OXR1: variants seen among roughly 807,000 people sequenced by gnomAD.
OXR1 encodes oxidation resistance 1, also known as oxidation resistance protein 1.
Under a neutral mutation model 104.6 loss-of-function variants are expected in OXR1, and 41 were observed. The observed-to-expected ratio is 0.39, with a 90% CI of 0.31 to 0.51. The LOEUF (loss-of-function observed/expected upper bound fraction) is 0.51, where lower values mean the gene tolerates loss of function less well. Among genes scored for constraint, OXR1 ranks in the 20% least tolerant of loss-of-function variants. The pLI is 0.77. For synonymous variants in OXR1, 348 were observed against 348.4 expected, an observed-to-expected ratio of 1.00 and a Z score of 0.01; for missense variants, 955 against 1,031.9, an observed-to-expected ratio of 0.93 and a Z score of 1.02.
At chr8:106,466,452 C>T (rs1821174892) in intron 2 of OXR1, among the ~76,000 whole-genome samples, 2 of 151,632 alleles carry the variant, frequency 1.3e-5, no homozygotes, top group African/African-American at 4.8e-5. Context: ...TGATCATGCT[C>T]GTGATTATTC....
At chr8:106,666,871 A>G (rs566400021) in intron 3 of OXR1, among the ~76,000 whole-genome samples, 3 of 152,236 alleles carry the variant, frequency 2.0e-5, no homozygotes, top group Non-Finnish European at 4.4e-5. Context: ...ACAGATTGGC[A>G]TAGGAGAAGG....
intron 3 of OXR1, among the ~76,000 whole-genome samples, chr8:106,653,081 A>ATAT (rs374747254): frequency 0.024 from 2,970 of 121,606 alleles, 30 homozygotes; most frequent in East Asian, 0.036. Context: ...GAAAAAAAAA[A>ATAT]AAATATATAT....
At chr8:106,428,208 C>T (rs1436928587) in intron 2 of OXR1, among the ~76,000 whole-genome samples, 1 of 152,116 alleles carries the variant, frequency 6.6e-6, no homozygotes, top group Admixed American at 6.6e-5. Context: ...GAGCTCCTTC[C>T]ATGTTCTTCC....
intron 5 of OXR1, among the ~76,000 whole-genome samples, chr8:106,683,699 G>C (rs560728851): frequency 6.6e-6 from 1 of 152,198 alleles, no homozygotes; most frequent in East Asian, 1.9e-4. Context: ...TTTTGTTGTT[G>C]TTGTTGTGTT....
chr8:106,309,117 C>A (rs1305348709), intron 1 of OXR1, among the ~76,000 whole-genome samples: 2 of 151,864 alleles, frequency 1.3e-5, no homozygotes, highest in Non-Finnish European at 2.9e-5. Flanking sequence ...TAGCTAGGAA[C>A]AAGGTGTGTA....
intron 1 of OXR1, chr8:106,272,923 G>A (rs1008092254): frequency 6.6e-6 from 1 of 152,054 alleles, no homozygotes; most frequent in Non-Finnish European, 1.5e-5. Flanking sequence ...TGTTTTGTTT[G>A]GGGGTCACGG....
intron 10 of OXR1, among the ~76,000 whole-genome samples, chr8:106,712,494 G>A (rs1275719074): frequency 6.6e-6 from 1 of 152,020 alleles, no homozygotes; most frequent in Non-Finnish European, 1.5e-5. Context: ...AAAATATCTT[G>A]ACCATACTGT....
chr8:106,339,519 A>AAAAATAT (rs869120573), intron 1 of OXR1, among the ~76,000 whole-genome samples: 2 of 33,352 alleles, frequency 6.0e-5, no homozygotes, highest in African/African-American at 1.0e-4. Flanking sequence ...AAAAAAAAAA[A>AAAAATAT]ATATATATAT....
intron 8 of OXR1, among the ~76,000 whole-genome samples, chr8:106,703,560 C>T (rs1157651991): frequency 6.6e-6 from 1 of 151,682 alleles, no homozygotes; most frequent in Non-Finnish European, 1.5e-5. Flanking sequence ...GCAATCTTCT[C>T]TCCCAGTATA....
chr8:106,409,156 T>C (rs1818363446), intron 2 of OXR1, among the ~76,000 whole-genome samples: 1 of 152,146 alleles, frequency 6.6e-6, no homozygotes, highest in East Asian at 1.9e-4. Flanking sequence ...CCACTCTGAC[T>C]GATTCCCCAC....
chr8:106,584,517 C>A (rs182174992), intron 3 of OXR1, among the ~76,000 whole-genome samples: 1 of 152,170 alleles, frequency 6.6e-6, no homozygotes, highest in African/African-American at 2.4e-5. Context: ...GAGACATATT[C>A]ATTCAATGGA....
At chr8:106,676,588 AT>A (rs1433168741) in intron 3 of OXR1, among the ~76,000 whole-genome samples, 1 of 151,828 alleles carries the variant, frequency 6.6e-6, no homozygotes, top group East Asian at 1.9e-4. Context: ...CTGGGTTGGA[AT>A]TTTTTTTAAG....
chr8:106,604,050 C>A (rs942556991), intron 3 of OXR1, among the ~76,000 whole-genome samples: 1 of 152,010 alleles, frequency 6.6e-6, no homozygotes, highest in African/African-American at 2.4e-5. Context: ...GAGACTCCAT[C>A]TCAAAAAACA....
intron 1 of OXR1, among the ~76,000 whole-genome samples, chr8:106,302,346 G>T (rs1164471509): frequency 1.3e-5 from 2 of 152,178 alleles, no homozygotes; most frequent in Non-Finnish European, 2.9e-5. Flanking sequence ...ACTTTGGGAG[G>T]CCGAGGCGGG....
intron 2 of OXR1, among the ~76,000 whole-genome samples, chr8:106,501,313 C>A (rs1030359973): frequency 1.3e-5 from 2 of 151,996 alleles, no homozygotes; most frequent in African/African-American, 4.8e-5. Context: ...TTTCTCAGAA[C>A]AGAAAGGAAA....
chr8:106,274,031 T>C (rs1380625724), intron 1 of OXR1, among the ~76,000 whole-genome samples: 1 of 152,210 alleles, frequency 6.6e-6, no homozygotes, highest in East Asian at 1.9e-4. Flanking sequence ...AAGTGAGGGA[T>C]TGAACAATCA....
At chr8:106,626,557 A>AT (rs987273371) in intron 3 of OXR1, among the ~76,000 whole-genome samples, 3 of 142,370 alleles carry the variant, frequency 2.1e-5, no homozygotes, top group Admixed American at 7.0e-5. Flanking sequence ...CATGTTGTAA[A>AT]TTTTTTTTTA....
Position 106,740,349 on chromosome 8 carries a change from A to G in OXR1, c.2170A>G (p.Lys724Glu). ...AACACTTTGTTTTCTAAAGCTTACC[A>G]AGCATCTTCCACCAAGAACAATTGG... ...LLPDQIEKLT[K>E]HLPPRTIGYP... Residue 724 changes from lysine (K) to glutamate (E), a missense_variant, in exon 14 of 17, where the codon AAG becomes GAG. Lys to Glu is a moderately conservative substitution (Grantham distance 56, BLOSUM62 1). This residue lies in a region of OXR1 where 849 missense variants were observed against 852.9 expected (regional missense o/e 1.00). Coordinates refer to ENST00000517566, the MANE Select transcript of OXR1 (RefSeq NM_001198533.2). 2 of 1,610,546 alleles carry G rather than the reference A, an allele frequency of 1.2e-6. No individual in the cohort carries two copies. Among genetic ancestry groups the G allele is most frequent in the Non-Finnish European group, 8.5e-7 (1 of 1,178,544 alleles).
chr8:106,581,306 A>G (rs540396994), intron 3 of OXR1: 56 of 1,169,764 alleles, frequency 4.8e-5, no homozygotes, highest in South Asian at 2.8e-4. Flanking sequence ...ATTTGCCTAA[A>G]AAATGTCAAC....
Sources: allele counts gnomAD v4.1 joint callset (sites outside exome capture counted in the v4.1 genomes callset), GRCh38; gene constraint gnomAD v4.1.1; regional missense constraint gnomAD v4.1.1; transcripts MANE v1.5; gene names NCBI Gene and HGNC (gene_info 2026-07-23, HGNC 2026-07-21).